The following GLYR1 variants were observed in gnomAD, a reference collection of about 807,000 sequenced individuals.
The protein encoded by GLYR1 is cytokine-like nuclear factor N-PAC.
Under a neutral mutation model 72.7 loss-of-function variants are expected in GLYR1, and 21 were observed. The ratio of observed to expected loss-of-function variants is 0.29; its 90% CI spans 0.20 to 0.42. The LOEUF (loss-of-function observed/expected upper bound fraction) is 0.42, where lower values mean the gene tolerates loss of function less well. Among genes scored for constraint, GLYR1 ranks in the 10% least tolerant of loss-of-function variants. The pLI, the probability that GLYR1 is intolerant of heterozygous loss-of-function variation, is 1.00. For synonymous variants in GLYR1, 392 were observed against 270.2 expected (o/e 1.45, Z -4.42); for missense variants, 594 against 712.1 (o/e 0.83, Z 1.89).
chr16:4,823,020 CAACACCTCTGG>C, intron 6 of GLYR1, 89 bp from the exon 7 acceptor site: 3 of 1,046,208 alleles, frequency 2.9e-6, no homozygotes, highest in Admixed American at 3.4e-5. Flanking sequence ...CCTCTGGCTG[CAACACCTCTGG>C]ATTCTGGTCT....
chr16:4,806,718 ACC>A (rs1181779659), intron 15 of GLYR1, among the ~76,000 whole-genome samples: 28 of 151,966 alleles, frequency 1.8e-4, no homozygotes, highest in Non-Finnish European at 3.5e-4. Flanking sequence ...AAGGATTTAT[ACC>A]GCAATCTGTA....
intron 7 of GLYR1, among the ~76,000 whole-genome samples, chr16:4,821,859 A>G (rs2084049051): frequency 6.6e-6 from 1 of 152,186 alleles, no homozygotes; most frequent in African/African-American, 2.4e-5. Flanking sequence ...ATCCAACTCC[A>G]AAGCCACAAA....
chr16:4,831,650 C>T (rs1207447415), intron 5 of GLYR1, among the ~76,000 whole-genome samples: 2 of 152,222 alleles, frequency 1.3e-5, no homozygotes, highest in African/African-American at 4.8e-5. Context: ...GTGTCTCTCA[C>T]CTGGTCTATG....
intron 1 of GLYR1, among the ~76,000 whole-genome samples, chr16:4,846,428 A>G (rs1407867780): frequency 6.6e-6 from 1 of 152,278 alleles, no homozygotes; most frequent in East Asian, 1.9e-4. Flanking sequence ...CAAGGAATAC[A>G]GAACAACACA....
chr16:4,812,556 G>A (rs749556882), intron 12 of GLYR1, among the ~76,000 whole-genome samples: 9 of 150,792 alleles, frequency 6.0e-5, no homozygotes, highest in Admixed American at 2.6e-4. Flanking sequence ...GCAGTGGAGC[G>A]ATCTCGGATC....
At position 4,821,538 on chromosome 16, in the gene GLYR1, C is replaced by A. The variant is rs746315512; in HGVS notation, c.732+9G>T. On this transcript the variant is annotated intron_variant, in intron 8 of 15. Coordinates refer to ENST00000321919, the MANE Select transcript of GLYR1 (RefSeq NM_032569.4). ...AAAATTAAAATGGGGAGGCATGGAG[C>A]CTACATACCTCTTCACATATTTTCA... 10 of 1,613,502 alleles carry A rather than the reference C, an allele frequency of 6.2e-6. No individual in the cohort carries two copies. Among genetic ancestry groups the A allele is most frequent in the East Asian group, 2.2e-5 (1 of 44,874 alleles).
intron 3 of GLYR1, among the ~76,000 whole-genome samples, chr16:4,834,134 A>T (rs1249830541): frequency 6.6e-6 from 1 of 152,074 alleles, no homozygotes; most frequent in Admixed American, 6.6e-5. Context: ...TAGTTGTGAT[A>T]ATGGGGTCTG....
chr16:4,830,789 C>G (rs952616222), intron 5 of GLYR1, among the ~76,000 whole-genome samples: 1 of 152,220 alleles, frequency 6.6e-6, no homozygotes, highest in Middle Eastern at 3.2e-3. Flanking sequence ...GGCACTCTCA[C>G]TGCTTTATCT....
intron 5 of GLYR1, among the ~76,000 whole-genome samples, chr16:4,827,913 C>T (rs1005824555): frequency 9.9e-5 from 15 of 151,470 alleles, no homozygotes; most frequent in African/African-American, 2.7e-4. Flanking sequence ...AAAAACAAAC[C>T]AAAAAACCAA....
chr16:4,831,065 A>C (rs747864530), intron 5 of GLYR1, among the ~76,000 whole-genome samples: 4 of 152,078 alleles, frequency 2.6e-5, no homozygotes, highest in Admixed American at 2.0e-4. Context: ...CCACCTCTAC[A>C]TCCCCAGTCC....
At chr16:4,821,711 T>G in intron 7 of GLYR1, 114 bp from the exon 8 acceptor site, 1 of 975,064 alleles carries the variant, frequency 1.0e-6, no homozygotes, top group Non-Finnish European at 1.6e-6. Flanking sequence ...ACTATTTGTT[T>G]TATACTTTAG....
Position 4,832,755 on chromosome 16 carries a change from T to C in GLYR1, c.294+19A>G. ...TCACCAGTCTGGCATTGGTAGAAAG[T>C]GAACATTGTGTCTCTCACCTGGTCT... On this transcript the variant is annotated intron_variant, in intron 4 of 15. Transcript: ENST00000321919. 1 of 1,595,276 alleles carries C rather than the reference T, an allele frequency of 6.3e-7. No homozygotes were observed. The highest frequency in any genetic ancestry group is 8.5e-7 in the Non-Finnish European group (1 of 1,169,820).
chr16:4,841,623 C>G (rs2085560255), intron 3 of GLYR1, among the ~76,000 whole-genome samples: 1 of 149,856 alleles, frequency 6.7e-6, no homozygotes, highest in South Asian at 2.1e-4. Context: ...CCAACCCTTT[C>G]TCAAAAAAAA....
intron 12 of GLYR1, among the ~76,000 whole-genome samples, chr16:4,813,474 G>A (rs528491968): frequency 6.6e-6 from 1 of 152,208 alleles, no homozygotes; most frequent in Non-Finnish European, 1.5e-5. Context: ...TGCCAGGCGG[G>A]CGGCCTGGGT....
intron 5 of GLYR1, among the ~76,000 whole-genome samples, chr16:4,829,434 T>C (rs999245959): frequency 1.4e-4 from 22 of 151,810 alleles, no homozygotes; most frequent in Admixed American, 7.2e-4. Flanking sequence ...GCTTCCCAAG[T>C]AGGTGGGACT....
intron 5 of GLYR1, among the ~76,000 whole-genome samples, chr16:4,830,353 A>G (rs1167505768): frequency 2.0e-5 from 3 of 151,854 alleles, no homozygotes; most frequent in Non-Finnish European, 2.9e-5. Context: ...AGACACCACA[A>G]CTGGCCTTCC....
rs950450673 is a variant in GLYR1, at chr16:4,814,075, A to C, written c.1018-237T>G. ...CATTTCTTTTTATTTAAAAAAAAAA[A>C]AAAACAAACCCCATTTAAAAGAATA... On this transcript the variant is annotated intron_variant, in intron 11 of 15. Transcript: ENST00000321919. The C allele has an allele frequency of 6.3e-5, 25 of 394,884 alleles. No homozygotes were observed. The East Asian group carries it at 6.7e-4, about 11-fold the overall frequency. 24.5% of individuals were successfully genotyped at this position (394,884 alleles called of 1,614,324 possible). A position where few individuals can be genotyped will look rare whatever the true frequency, so the allele number is the denominator to read the frequency against.
chr16:4,814,504 C>T lies in GLYR1; in HGVS notation c.1017+33G>A, dbSNP rs199735026. On this transcript the variant is annotated intron_variant, in intron 11 of 15. Transcript: ENST00000321919. ...CCAGCCAGCAATCCTGGCTGTGACCCGGAGTTGCTGAGGGGAGGGAGGGGG... is the reference window on the plus strand; with the variant it reads ...CCAGCCAGCAATCCTGGCTGTGACCTGGAGTTGCTGAGGGGAGGGAGGGGG... The T allele has an allele frequency of 1.9e-3, 2,953 of 1,531,358 alleles. 37 individuals are homozygous for T. The highest frequency in any genetic ancestry group is 0.019 in the South Asian group (1,695 of 89,462). 94.9% of individuals were successfully genotyped at this position (1,531,358 alleles called of 1,614,324 possible). A position where few individuals can be genotyped will look rare whatever the true frequency, so the allele number is the denominator to read the frequency against.
chr16:4,820,992 G>A (rs546466216), intron 9 of GLYR1, among the ~76,000 whole-genome samples: 150 of 152,342 alleles, frequency 9.8e-4, no homozygotes, highest in Non-Finnish European at 1.7e-3. Flanking sequence ...TTCTCACAGC[G>A]TAGCTCTGAC....
Sources: allele counts gnomAD v4.1 joint callset (sites outside exome capture counted in the v4.1 genomes callset), GRCh38; gene constraint gnomAD v4.1.1; transcripts MANE v1.5; gene names NCBI Gene and HGNC (gene_info 2026-07-23, HGNC 2026-07-21).